The following SLC24A2 variants were observed in gnomAD, a reference collection of about 807,000 sequenced individuals.
SLC24A2 encodes the protein solute carrier family 24 member 2.
Under a neutral mutation model 62.0 loss-of-function variants are expected in SLC24A2, and 36 were observed. That is an observed-to-expected ratio of 0.58 (90% CI 0.44 to 0.77). The LOEUF (loss-of-function observed/expected upper bound fraction) is 0.77. Ranked by LOEUF, SLC24A2 falls within the 30% of genes least tolerant of loss-of-function variation. SLC24A2 has a pLI of 0.00. For missense variants in SLC24A2, 846 were observed against 817.9 expected (o/e 1.03, Z -0.42); for synonymous variants, 358 against 294.0 (o/e 1.22, Z -2.23).
At chr9:20,127,482 A>G in the SLC24A2 span, among the ~76,000 whole-genome samples, 1 of 152,278 alleles carries the variant, frequency 6.6e-6, no homozygotes, top group Non-Finnish European at 1.5e-5. Context: ...AGGTGCAAAA[A>G]TGGAAAAAAT....
At chr9:19,598,816 G>T (rs919658844) in intron 4 of SLC24A2, among the ~76,000 whole-genome samples, 9 of 151,990 alleles carry the variant, frequency 5.9e-5, no homozygotes. Flanking sequence ...GTTCATAGTG[G>T]CTTCACACAT....
chr9:19,821,907 T>C, the SLC24A2 span, among the ~76,000 whole-genome samples: 1 of 152,102 alleles, frequency 6.6e-6, no homozygotes, highest in Admixed American at 6.6e-5. Flanking sequence ...TTTTGAAGTT[T>C]TGAAAATATA....
At chr9:19,755,449 A>C (rs1054861931) in intron 2 of SLC24A2, among the ~76,000 whole-genome samples, 114 of 152,322 alleles carry the variant, frequency 7.5e-4, no homozygotes, top group Admixed American at 2.8e-3. Context: ...AGAACTGAAA[A>C]AAATAATTGA....
the SLC24A2 span, among the ~76,000 whole-genome samples, chr9:20,240,555 A>G: frequency 1.3e-5 from 2 of 152,200 alleles, no homozygotes; most frequent in African/African-American, 4.8e-5. Flanking sequence ...GGCCAAACTA[A>G]GCAGCTTCCT....
chr9:19,549,760 G>A (rs937746170), intron 8 of SLC24A2, among the ~76,000 whole-genome samples: 1 of 152,258 alleles, frequency 6.6e-6, no homozygotes, highest in East Asian at 1.9e-4. Context: ...AGACATAATG[G>A]AGCAGAGACA....
chr9:19,820,762 A>G, the SLC24A2 span, among the ~76,000 whole-genome samples: 9 of 151,950 alleles, frequency 5.9e-5, no homozygotes, highest in East Asian at 1.7e-3. Context: ...ATTGCTGAGT[A>G]AAGTTTATGT....
At chr9:19,662,924 A>G (rs1321940160) in intron 2 of SLC24A2, among the ~76,000 whole-genome samples, 1 of 152,202 alleles carries the variant, frequency 6.6e-6, no homozygotes, top group East Asian at 1.9e-4. Flanking sequence ...AACTGGTTTT[A>G]GATCACTAAT....
chr9:19,582,143 G>A (rs1012325357), intron 5 of SLC24A2, among the ~76,000 whole-genome samples: 3 of 152,156 alleles, frequency 2.0e-5, no homozygotes, highest in African/African-American at 7.2e-5. Flanking sequence ...GGAAGTAAAA[G>A]ATCCAAGCAT....
the SLC24A2 span, among the ~76,000 whole-genome samples, chr9:20,150,666 C>A: frequency 6.6e-6 from 1 of 151,060 alleles, no homozygotes; most frequent in Non-Finnish European, 1.5e-5. Flanking sequence ...TCATTCTTGT[C>A]AAAATAACAA....
the SLC24A2 span, among the ~76,000 whole-genome samples, chr9:20,137,128 G>A: frequency 6.6e-6 from 1 of 152,112 alleles, no homozygotes; most frequent in Non-Finnish European, 1.5e-5. Context: ...CCCACAAAGA[G>A]TAACACACAT....
At chr9:20,144,623 A>C in the SLC24A2 span, among the ~76,000 whole-genome samples, 1 of 152,264 alleles carries the variant, frequency 6.6e-6, no homozygotes, top group African/African-American at 2.4e-5. Flanking sequence ...GGCAGAGGGT[A>C]GTGGGTGCAG....
chr9:19,868,270 G>A, the SLC24A2 span, among the ~76,000 whole-genome samples: 1 of 151,728 alleles, frequency 6.6e-6, no homozygotes, highest in Non-Finnish European at 1.5e-5. Context: ...TCTATTAGAG[G>A]CTTATTGTTT....
At chr9:20,102,958 A>G in the SLC24A2 span, among the ~76,000 whole-genome samples, 1 of 152,138 alleles carries the variant, frequency 6.6e-6, no homozygotes, top group Admixed American at 6.5e-5. Flanking sequence ...GAAAGGGGTG[A>G]CAGACGGTAC....
At chr9:19,997,293 AAGAG>A in the SLC24A2 span, among the ~76,000 whole-genome samples, 5 of 152,106 alleles carry the variant, frequency 3.3e-5, no homozygotes, top group Non-Finnish European at 7.4e-5. Flanking sequence ...GAGAAAGAGA[AAGAG>A]AGAAATTAGA....
At chr9:19,941,242 A>T in the SLC24A2 span, among the ~76,000 whole-genome samples, 1 of 45,636 alleles carries the variant, frequency 2.2e-5, no homozygotes, top group Admixed American at 1.7e-4. Context: ...AGAGACAAAT[A>T]AAAAAAATCT....
At chr9:20,157,656 A>G in the SLC24A2 span, among the ~76,000 whole-genome samples, 1 of 151,704 alleles carries the variant, frequency 6.6e-6, no homozygotes, top group Admixed American at 6.6e-5. Flanking sequence ...TGTTTCCACA[A>G]GAAACCTTGT....
the SLC24A2 span, among the ~76,000 whole-genome samples, chr9:19,985,872 T>C: frequency 6.6e-6 from 1 of 152,154 alleles, no homozygotes; most frequent in African/African-American, 2.4e-5. Context: ...TGGCAACAGA[T>C]TGTTGAATTT....
the SLC24A2 span, among the ~76,000 whole-genome samples, chr9:19,930,504 T>C: frequency 6.6e-6 from 1 of 152,172 alleles, no homozygotes; most frequent in African/African-American, 2.4e-5. Context: ...TCAGATTGTG[T>C]CCCCATCATG....
At chr9:19,973,438 A>AT in the SLC24A2 span, among the ~76,000 whole-genome samples, 1 of 152,156 alleles carries the variant, frequency 6.6e-6, no homozygotes, top group Non-Finnish European at 1.5e-5. Context: ...ATTCAAAGGA[A>AT]TTTTTTTCTA....
Sources: gnomAD v4.1 joint callset for allele counts (sites outside exome capture counted in the v4.1 genomes callset) on GRCh38, gnomAD v4.1.1 for gene constraint, MANE v1.5 for transcripts, NCBI Gene and HGNC (gene_info 2026-07-23, HGNC 2026-07-21) for gene names.